Variants in SACS observed in about 807,000 individuals in gnomAD.
SACS encodes the protein sacsin.
A neutral mutation model predicts 348.0 loss-of-function variants in SACS; 197 were observed. The observed-to-expected ratio is 0.57, with a 90% confidence interval of 0.50 to 0.64. SACS has a LOEUF of 0.64. SACS is among the 30% of genes least tolerant of loss of function. The pLI is 0.00. For missense variants in SACS, 4,999 were observed against 5,360.8 expected (o/e 0.93, Z 2.11); for synonymous variants, 1,985 against 1,910.6 (o/e 1.04, Z -1.02).
intron 2 of SACS, among the ~76,000 whole-genome samples, chr13:23,387,450 A>G (rs2137885457): frequency 7.0e-6 from 1 of 142,282 alleles, no homozygotes; most frequent in South Asian, 2.4e-4. Context: ...CGACAGAGCA[A>G]GACTCCGTCT....
intron 1 of SACS, among the ~76,000 whole-genome samples, chr13:23,424,263 C>A (rs1322202111): frequency 6.6e-6 from 1 of 151,948 alleles, no homozygotes; most frequent in African/African-American, 2.4e-5. Context: ...TGGTGGCTCA[C>A]GCCTATAATC....
intron 4 of SACS, among the ~76,000 whole-genome samples, chr13:23,370,208 T>G (rs1163626421): frequency 6.6e-6 from 1 of 152,226 alleles, no homozygotes; most frequent in Non-Finnish European, 1.5e-5. Context: ...CCTCTGGCCC[T>G]GATGTCCCCT....
chr13:23,345,862 T>C (rs187619295), intron 9 of SACS, among the ~76,000 whole-genome samples: 1 of 152,166 alleles, frequency 6.6e-6, no homozygotes, highest in East Asian at 1.9e-4. Flanking sequence ...GAACATGAAC[T>C]TGGGGAAAAT....
chr13:23,350,559 A>T (rs1409498), intron 9 of SACS, among the ~76,000 whole-genome samples: 127,700 of 151,648 alleles, frequency 0.84, 54,173 homozygotes, highest in East Asian at 1. Context: ...AAGTTTCCAT[A>T]TCAGAAAAAA....
chr13:23,353,504 A>C (rs901943438), intron 9 of SACS, among the ~76,000 whole-genome samples: 1 of 152,192 alleles, frequency 6.6e-6, no homozygotes, highest in Non-Finnish European at 1.5e-5. Flanking sequence ...AAGAAATGGG[A>C]AAGCACTGGA....
At chr13:23,375,798 G>A (rs1254046372) in intron 2 of SACS, among the ~76,000 whole-genome samples, 2 of 152,088 alleles carry the variant, frequency 1.3e-5, no homozygotes, top group East Asian at 1.9e-4. Context: ...CGCCTGCAGA[G>A]GCGCCTCTGC....
chr13:23,427,935 T>C (rs1336495055), intron 1 of SACS: 3 of 152,010 alleles, frequency 2.0e-5, no homozygotes, highest in Admixed American at 1.3e-4. Flanking sequence ...TCTTGTCTGT[T>C]TGTTTAAGAG....
In SACS at chr13:23,335,385, T is replaced by C. The variant is rs368025017; in HGVS notation, c.8491A>G (p.Lys2831Glu). Residue 2831 changes from lysine (K) to glutamate (E), a missense_variant, in exon 10 of 10, where the codon AAA becomes GAA. Around this residue, in one of 6 missense-constraint regions of SACS, gnomAD observed 3,156 missense variants for 3,380.1 expected, o/e 0.93. Coordinates refer to ENST00000382292, the MANE Select transcript of SACS (RefSeq NM_014363.6). The surrounding 1 kb of genome is among the most constrained non-coding windows in gnomAD (Gnocchi z 4.7). ...CNRSGFSSME[K>E]VSKSVISAHK... ...GCTGATATGACACTTTTAGATACTT[T>C]CTCCATACTTGAAAAGCCTGATCTA... is the stretch of plus-strand genomic sequence containing the variant. 8 of 1,613,936 alleles carry C rather than the reference T, an allele frequency of 5.0e-6. No individual in the cohort carries two copies. The highest frequency in any genetic ancestry group is 6.8e-6 in the Non-Finnish European group (8 of 1,179,880).
intron 2 of SACS, among the ~76,000 whole-genome samples, chr13:23,396,184 C>T (rs781056893): frequency 1.1e-4 from 16 of 152,028 alleles, no homozygotes; most frequent in African/African-American, 2.9e-4. Context: ...ATTAGCCAAA[C>T]GTGGTGGCAG....
At position 23,355,573 on chromosome 13, in the gene SACS, T is replaced by C. The variant is rs760822353; in HGVS notation, c.1039A>G (p.Asn347Asp). 4.3e-6 allele frequency: 7 copies of C among 1,614,044 alleles called. No homozygotes were observed. Among genetic ancestry groups the C allele is most frequent in the Non-Finnish European group, 5.1e-6 (6 of 1,180,042 alleles). ...GCAGTTCCCAGAATCTTTATAGAAT[T>C]CGGCCGCTCATGTTTCAGTGCCTTA... ...ESKALKHERP[N>D]SIKILGTAIS... is the part of the protein sequence containing the mutation. The change falls in exon 8 of 10, where the codon AAT (asparagine) becomes GAT (aspartate). Residue 347 changes from asparagine (N) to aspartate (D), a missense_variant. Physicochemically the swap from Asn to Asp is conservative, Grantham distance 23 (BLOSUM62 1). Around this residue, in one of 6 missense-constraint regions of SACS, gnomAD observed 3,156 missense variants for 3,380.1 expected, o/e 0.93. Coordinates refer to ENST00000382292, the MANE Select transcript of SACS (RefSeq NM_014363.6).
In SACS at chr13:23,337,219, C is replaced by T; in HGVS notation, c.6657G>A (p.Leu2219=). Residue 2219 remains leucine, a synonymous_variant, in exon 10 of 10, where the codon CTG becomes CTA. Coordinates refer to ENST00000382292, the MANE Select transcript of SACS (RefSeq NM_014363.6). The part of the protein sequence containing the change: ...KYQTIRFLPF[L]TKPAGFSLDW... Reference sequence around the variant, plus strand: ...CCAAAGAAAAACCTGCTGGTTTTGTCAGAAATGGAAGGAAGCGGATTGTTT... The same window carrying T: ...CCAAAGAAAAACCTGCTGGTTTTGTTAGAAATGGAAGGAAGCGGATTGTTT... 1.2e-6 allele frequency: 2 copies of T among 1,613,890 alleles called. No homozygotes were observed. The highest frequency in any genetic ancestry group is 1.7e-6 in the Non-Finnish European group (2 of 1,179,900).
chr13:23,341,467 G>T lies in SACS; in HGVS notation c.2409C>A (p.Ile803=), dbSNP rs146198963. The change falls in exon 10 of 10, where the codon ATC becomes ATA. Residue 803 remains isoleucine, a synonymous_variant. Transcript: ENST00000382292. The part of the protein sequence containing the change: ...DLTLFDEMPL[I]PRTILEEGQT... ...GACCTTCCTCTAGTATAGTTCTGGG[G>T]ATAAGTGGCATCTCATCAAATAAAG... 2 of 1,613,974 alleles carry T rather than the reference G, an allele frequency of 1.2e-6. No individual in the cohort carries two copies. The highest frequency in any genetic ancestry group is 1.7e-6 in the Non-Finnish European group (2 of 1,179,954).
intron 3 of SACS, among the ~76,000 whole-genome samples, chr13:23,374,796 A>T (rs1015091476): frequency 7.2e-5 from 11 of 152,248 alleles, no homozygotes; most frequent in Non-Finnish European, 2.9e-5. Flanking sequence ...CTTATTACAT[A>T]AATAGAAATA....
rs1157107768 is a variant in SACS, at chr13:23,375,004, C to T, written c.171+115G>A. ...CTCAGGACAAGCACAGGCGGCCACG[C>T]TGCCGGAGTCATTCGCGCCGCCCGC... is the stretch of plus-strand genomic sequence containing the variant. On this transcript the variant is annotated intron_variant, in intron 3 of 9. Transcript: ENST00000382292. The T allele has an allele frequency of 3.7e-6, 4 of 1,090,964 alleles. No individual in the cohort carries two copies. In the African/African-American group the frequency reaches 6.7e-5, roughly 18 times the overall value. The allele number at this position is 1,090,964 out of a possible 1,614,324, so 67.6% of individuals were successfully genotyped here. A position where few individuals can be genotyped will look rare whatever the true frequency, so the allele number is the denominator to read the frequency against.
At chr13:23,364,999 G>A (rs1423365746) in intron 6 of SACS, among the ~76,000 whole-genome samples, 167 bp downstream of exon 6, 1 of 152,176 alleles carries the variant, frequency 6.6e-6, no homozygotes, top group Non-Finnish European at 1.5e-5. Context: ...ATACCAACTG[G>A]TGGAGACACC....
chr13:23,338,204 G>C lies in SACS; in HGVS notation c.5672C>G (p.Ala1891Gly). Residue 1891 changes from alanine (A) to glycine (G), a missense_variant, in exon 10 of 10, where the codon GCT (alanine) becomes GGT (glycine). Physicochemically the swap from Ala to Gly is moderately conservative, Grantham distance 60. Coordinates refer to ENST00000382292, the MANE Select transcript of SACS (RefSeq NM_014363.6). The stretch of plus-strand genomic sequence containing the variant: ...GATTTCTTTCCTATTTGATGTAACA[G>C]CAAAGCACCCATTGATATGAACTGG... ...GLPVHINGCF[A>G]VTSNRKEIWK... The C allele has an allele frequency of 6.2e-7, 1 of 1,614,068 alleles. No individual in the cohort carries two copies. The highest frequency in any genetic ancestry group is 1.1e-5 in the South Asian group (1 of 91,076).
chr13:23,397,182 T>C (rs1352871188), intron 2 of SACS, among the ~76,000 whole-genome samples: 1 of 152,192 alleles, frequency 6.6e-6, no homozygotes, highest in Non-Finnish European at 1.5e-5. Context: ...TTAAAAATTA[T>C]AATCCATATT....
chr13:23,372,616 GCACC>G (rs1381271378), intron 3 of SACS, among the ~76,000 whole-genome samples: 1 of 152,112 alleles, frequency 6.6e-6, no homozygotes, highest in Non-Finnish European at 1.5e-5. Flanking sequence ...AGGACCTAAG[GCACC>G]CACCTCTCCG....
chr13:23,367,841 G>A (rs1291942164), intron 5 of SACS, among the ~76,000 whole-genome samples: 4 of 152,140 alleles, frequency 2.6e-5, no homozygotes, highest in East Asian at 1.9e-4. Context: ...TGATCCACCC[G>A]CCTCAGCCTC....
Sources: allele counts gnomAD v4.1 joint callset (sites outside exome capture counted in the v4.1 genomes callset), GRCh38; gene constraint gnomAD v4.1.1; regional missense constraint gnomAD v4.1.1; non-coding constraint Gnocchi (gnomAD v3.1); transcripts MANE v1.5; gene names NCBI Gene and HGNC (gene_info 2026-07-23, HGNC 2026-07-21).